Variants in CHTF18 observed in about 807,000 individuals in gnomAD.
CHTF18 encodes the protein chromosome transmission fidelity factor 18.
CHTF18 carries 151 observed loss-of-function variants against 113.4 expected under a neutral mutation model. The observed-to-expected ratio is 1.33, with a 90% confidence interval of 1.17 to 1.52. The LOEUF (loss-of-function observed/expected upper bound fraction) is 1.52, where lower values mean the gene tolerates loss of function less well. Among genes scored for constraint, CHTF18 ranks in the 40% most tolerant of loss-of-function variants. CHTF18 has a pLI of 0.00. For missense variants in CHTF18, 1,982 were observed against 1,381.6 expected (o/e 1.43, Z -6.89); for synonymous variants, 916 against 598.8 (o/e 1.53, Z -7.74).
intron 7 of CHTF18, 141 bp downstream of exon 7, chr16:790,807 G>T: frequency 7.0e-7 from 1 of 1,435,640 alleles, no homozygotes; most frequent in South Asian, 1.5e-5. Context: ...TGAGTTGTAG[G>T]TGGTGAACTG....
At position 796,737 on chromosome 16, in the gene CHTF18, G is replaced by A. The variant is rs759199021; in HGVS notation, c.2477G>A (p.Arg826His). ...RLEPNVEELC[R>H]FPELPARKPL... is the part of the protein sequence containing the mutation. ...AGCAGGAACGTGGAGGAACTCTGCC[G>A]CTTCCCTGAGCTGCCTGCCCGCAAG... The change falls in exon 19 of 22, where the codon CGC (arginine) becomes CAC (histidine). Residue 826 changes from arginine to histidine, a missense_variant. Physicochemically the swap from Arg to His is conservative, Grantham distance 29 (BLOSUM62 0). Coordinates refer to ENST00000262315, the MANE Select transcript of CHTF18 (RefSeq NM_022092.3). 2.1e-5 allele frequency: 34 copies of A among 1,603,180 alleles called. No homozygotes were observed. The Admixed American group carries it at 3.5e-4, about 17-fold the overall frequency.
rs2042219257 is a variant in CHTF18 at position 792,307 on chromosome 16, C to T, written c.1286C>T (p.Pro429Leu). 1 of 1,553,880 alleles carries T rather than the reference C, an allele frequency of 6.4e-7. No homozygotes were observed. The highest frequency in any genetic ancestry group is 8.7e-7 in the Non-Finnish European group (1 of 1,149,168). ...MESVLGAGGKPNCLVIDEIDG... is the reference protein window; with the variant it reads ...MESVLGAGGKLNCLVIDEIDG... ...TCGGTGCTGGGTGCTGGCGGGAAGC[C>T]CAACTGCCTGGTCATCGATGAGATC... The change falls in exon 10 of 22, where the codon CCC becomes CTC. Residue 429 changes from proline (P) to leucine (L), a missense_variant. Physicochemically the swap from Pro to Leu is moderately conservative, Grantham distance 98. Transcript: ENST00000262315.
Position 796,372 on chromosome 16 carries a change from G to T in CHTF18, c.2456+295G>T, listed in dbSNP as rs192023361. On this transcript the variant is annotated intron_variant, in intron 18 of 21. Coordinates refer to ENST00000262315, the MANE Select transcript of CHTF18 (RefSeq NM_022092.3). Reference sequence around the variant, plus strand: ...TGCACTTTCCAACACTCCGTTTCCCGCTGTGGGATGGCCATGGGGGTGGTG... The same window carrying T: ...TGCACTTTCCAACACTCCGTTTCCCTCTGTGGGATGGCCATGGGGGTGGTG... Among the ~76,000 whole-genome samples, 62 of 152,316 alleles carry T rather than the reference G, an allele frequency of 4.1e-4. 1 individual carries two copies. The East Asian group carries it at 0.011, about 27-fold the overall frequency.
intron 4 of CHTF18, 112 bp from the exon 5 acceptor site, chr16:790,065 C>T (rs951747581): frequency 1.3e-6 from 2 of 1,537,186 alleles, no homozygotes; most frequent in East Asian, 2.4e-5. Flanking sequence ...CCACCCCTCA[C>T]TGGCCAGCTT....
chr16:789,532 C>T lies in CHTF18; in HGVS notation c.438-15C>T, dbSNP rs776470297. ...ACGCTTGAGTTTCTGCCACTGAGCC[C>T]CGGTCTCTCTCCAGAGTCTCAGAAG... On this transcript the variant is annotated splice_polypyrimidine_tract_variant and intron_variant, in intron 3 of 21. Transcript: ENST00000262315. 6 of 1,585,078 alleles carry T rather than the reference C, an allele frequency of 3.8e-6. No individual in the cohort carries two copies. Among genetic ancestry groups the T allele is most frequent in the Non-Finnish European group, 5.2e-6 (6 of 1,164,978 alleles).
rs1040438812 is a variant in CHTF18, at chr16:796,638, G to A, written c.2457-79G>A. 6 of 1,441,618 alleles carry A rather than the reference G, an allele frequency of 4.2e-6. No individual in the cohort carries two copies. The African/African-American group carries it at 7.1e-5, about 17-fold the overall frequency. The allele number at this position is 1,441,618 out of a possible 1,614,324, so 89.3% of individuals were successfully genotyped here. A position where few individuals can be genotyped will look rare whatever the true frequency, so the allele number is the denominator to read the frequency against. The stretch of plus-strand genomic sequence containing the variant: ...TCTGGCCTTGTGGCTTTTGGGGTTT[G>A]CGGTTGGAGTGCCCGGCGGCTCTCT... On this transcript the variant is annotated intron_variant, in intron 18 of 21. Coordinates refer to ENST00000262315, the MANE Select transcript of CHTF18 (RefSeq NM_022092.3).
At chr16:792,037 C>G in intron 9 of CHTF18, 89 bp downstream of exon 9, 1 of 1,548,578 alleles carries the variant, frequency 6.5e-7, no homozygotes, top group Non-Finnish European at 8.7e-7. Flanking sequence ...TGTGGATGTT[C>G]CCGTCTTGAG....
chr16:791,828 G>C, intron 8 of CHTF18, 23 bp from the exon 9 acceptor site: 1 of 1,583,374 alleles, frequency 6.3e-7, no homozygotes, highest in Middle Eastern at 1.7e-4. Context: ...TGCACACTAC[G>C]CCTTCATCTA....
At position 790,171 on chromosome 16, in the gene CHTF18, C is replaced by T. The variant is rs1454942170; in HGVS notation, c.607-6C>T. On this transcript the variant is annotated splice_polypyrimidine_tract_variant and splice_region_variant and intron_variant, in intron 4 of 21. Transcript: ENST00000262315. ...CCCAGAGGCAATTGTCCTCCCTTCC[C>T]CACAGGGCTCTCTCCTCCACGTCCC... 3 of 1,589,908 alleles carry T rather than the reference C, an allele frequency of 1.9e-6. No homozygotes were observed. The highest frequency in any genetic ancestry group is 2.6e-6 in the Non-Finnish European group (3 of 1,169,368).
In CHTF18 at chr16:797,696, T is replaced by G. The variant is rs2042393462; in HGVS notation, c.2736T>G (p.Pro912=). The G allele has an allele frequency of 6.2e-7, 1 of 1,607,842 alleles. No homozygotes were observed. Among genetic ancestry groups the G allele is most frequent in the Non-Finnish European group, 8.5e-7 (1 of 1,179,140 alleles). ...TGACTAGTCCTTCCTCCCATCAGCC[T>G]GAGAAGGACTTCTTTGGACGTGTGG... ...IMRRAAREEQ[P]EKDFFGRVVV... The change falls in exon 21 of 22, where the codon CCT becomes CCG. Residue 912 remains proline (P), a splice_region_variant and synonymous_variant. Coordinates refer to ENST00000262315, the MANE Select transcript of CHTF18 (RefSeq NM_022092.3).
Position 798,020 on chromosome 16 carries a change from G to A in CHTF18, c.*45G>A, listed in dbSNP as rs756408620. 17 of 1,579,404 alleles carry A rather than the reference G, an allele frequency of 1.1e-5. No homozygotes were observed. In the East Asian group the frequency reaches 2.7e-4, roughly 25 times the overall value. On this transcript the variant is annotated 3_prime_UTR_variant, in exon 22 of 22. Coordinates refer to ENST00000262315, the MANE Select transcript of CHTF18 (RefSeq NM_022092.3). ...GCCCTCGCATTGCTTCCCGCAGAGT[G>A]CAGAGACAGGAAGCTGGAGATGTCT...
At chr16:790,927 A>G in intron 7 of CHTF18, 2 of 1,432,786 alleles carry the variant, frequency 1.4e-6, no homozygotes, top group Admixed American at 5.7e-5. Context: ...ACAGCAGCTG[A>G]CACTGGAGTG....
At chr16:791,092 G>A (rs2042182975) in intron 7 of CHTF18, 69 bp from the exon 8 acceptor site, 1 of 1,538,108 alleles carries the variant, frequency 6.5e-7, no homozygotes, top group Non-Finnish European at 8.8e-7. Flanking sequence ...GGCTCATGGT[G>A]GCAGGTGGAC....
intron 7 of CHTF18, 157 bp downstream of exon 7, chr16:790,823 A>T: frequency 7.0e-7 from 1 of 1,433,246 alleles, no homozygotes. Context: ...AACTGAGCAC[A>T]GGGCTGTGTG....
rs1017892533 is a variant in CHTF18 at position 790,383 on chromosome 16, T to G, written c.736T>G (p.Ser246Ala). The G allele has an allele frequency of 1.2e-5, 19 of 1,612,188 alleles. No homozygotes were observed. Among genetic ancestry groups the G allele is most frequent in the Non-Finnish European group, 1.5e-5 (18 of 1,179,780 alleles). The change falls in exon 6 of 22, where the codon TCA becomes GCA. Residue 246 changes from serine (S) to alanine (A), a missense_variant. Coordinates refer to ENST00000262315, the MANE Select transcript of CHTF18 (RefSeq NM_022092.3). Reference protein sequence around the residue: ...ERLLQEAQKLSDTLHSLRSGE... With the variant: ...ERLLQEAQKLADTLHSLRSGE... ...GCTGCTTCAGGAGGCCCAGAAGCTT[T>G]CAGACACCCTGCACAGGTGACTTGG...
Position 797,016 on chromosome 16 carries a change from G to A in CHTF18, c.2657G>A (p.Gly886Glu). 6.4e-7 allele frequency: 1 copy of A among 1,557,162 alleles called. No homozygotes were observed. The highest frequency in any genetic ancestry group is 2.3e-5 in the East Asian group (1 of 43,996). The change falls in exon 20 of 22, where the codon GGG becomes GAG. Residue 886 changes from glycine (G) to glutamate (E), a missense_variant. Coordinates refer to ENST00000262315, the MANE Select transcript of CHTF18 (RefSeq NM_022092.3). ...CTGCTGGGGGGCATTGGGGAGAAAG[G>A]GGTGCACCGACCTGCCCCACGCAAC... ...EGLLGGIGEK[G>E]VHRPAPRNHE...
At chr16:796,916 C>T (rs1403776124) in intron 19 of CHTF18, 45 bp from the exon 20 acceptor site, 2 of 1,541,744 alleles carry the variant, frequency 1.3e-6, no homozygotes, top group Non-Finnish European at 1.8e-6. Context: ...ACCATCCCCA[C>T]TGTATCCCTG....
chr16:791,222 A>G lies in CHTF18; in HGVS notation c.956A>G (p.Glu319Gly). 1 of 1,611,480 alleles carries G rather than the reference A, an allele frequency of 6.2e-7. No homozygotes were observed. The highest frequency in any genetic ancestry group is 1.1e-5 in the South Asian group (1 of 90,770). ...KLWDLVVFGH[E>G]RPSRKPRPSV... Reference sequence around the variant, plus strand: ...TGGGACCTGGTGGTGTTTGGCCACGAGAGGCCTTCCCGGAAGCCCAGGCCC... The same window carrying G: ...TGGGACCTGGTGGTGTTTGGCCACGGGAGGCCTTCCCGGAAGCCCAGGCCC... The change falls in exon 8 of 22, where the codon GAG becomes GGG. Residue 319 changes from glutamate to glycine, a missense_variant. Physicochemically the swap from Glu to Gly is moderately conservative, Grantham distance 98. Transcript: ENST00000262315.
Position 791,238 on chromosome 16 carries a change from G to T in CHTF18, c.972G>T (p.Lys324Asn), listed in dbSNP as rs151271197. ...VVFGHERPSR[K>N]PRPSVEPARV... ...TTGGCCACGAGAGGCCTTCCCGGAA[G>T]CCCAGGCCCAGTGTTGAGCCGGCCC... Residue 324 changes from lysine to asparagine, a missense_variant, in exon 8 of 22, where the codon AAG becomes AAT. Transcript: ENST00000262315. 3.1e-6 allele frequency: 5 copies of T among 1,610,908 alleles called. No individual in the cohort carries two copies. In the African/African-American group the frequency reaches 6.7e-5, roughly 21 times the overall value.
Sources: allele counts gnomAD v4.1 joint callset (sites outside exome capture counted in the v4.1 genomes callset), GRCh38; gene constraint gnomAD v4.1.1; transcripts MANE v1.5; gene names NCBI Gene and HGNC (gene_info 2026-07-23, HGNC 2026-07-21).